Variants in TRIM67 observed in about 807,000 individuals in gnomAD.
TRIM67 encodes tripartite motif-containing protein 67.
A neutral mutation model predicts 71.0 loss-of-function variants in TRIM67; 39 were observed. That is an observed-to-expected ratio of 0.55 (90% CI 0.43 to 0.72). The LOEUF is 0.72. TRIM67 is among the 30% of genes least tolerant of loss of function. The pLI is 0.00. For missense variants in TRIM67, 973 were observed against 1,079.2 expected (o/e 0.90, Z 1.38); for synonymous variants, 481 against 473.9 (o/e 1.01, Z -0.19).
chr1:231,220,061 T>TACATCAGAG lies in TRIM67; in HGVS notation c.*4621_*4622insACATCAGAG. ...ACTAGTCATACTAACCTACCTCCTC[T>TACATCAGAG]GATGTATTGTGAGGATTATACAATA... is the stretch of plus-strand genomic sequence containing the variant. On this transcript the variant is annotated 3_prime_UTR_variant, in exon 10 of 10. Transcript: ENST00000366653. 3 of 795,824 alleles carry TACATCAGAG rather than the reference T, an allele frequency of 3.8e-6. No individual in the cohort carries two copies. Among genetic ancestry groups the TACATCAGAG allele is most frequent in the Non-Finnish European group, 5.5e-6 (3 of 540,640 alleles). 49.3% of individuals were successfully genotyped at this position (795,824 alleles called of 1,614,324 possible).
At chr1:231,193,491 ACT>A (rs374837538) in intron 1 of TRIM67, among the ~76,000 whole-genome samples, 36 of 30,816 alleles carry the variant, frequency 1.2e-3, no homozygotes, top group African/African-American at 3.5e-3. Context: ...AGACACCTGA[ACT>A]CTCTCTCAAG....
At chr1:231,204,318 A>G (rs886126127) in intron 6 of TRIM67, among the ~76,000 whole-genome samples, 1 of 152,036 alleles carries the variant, frequency 6.6e-6, no homozygotes, top group East Asian at 1.9e-4. Flanking sequence ...GGGTTTTGTC[A>G]CACCTTGTCT....
chr1:231,208,010 T>C (rs1215583233), intron 7 of TRIM67, among the ~76,000 whole-genome samples: 4 of 107,026 alleles, frequency 3.7e-5, no homozygotes, highest in East Asian at 2.5e-4. Flanking sequence ...CCTCCTGTAC[T>C]TTTTTTTTTT....
At position 231,216,293 on chromosome 1, in the gene TRIM67, C is replaced by G. The variant is rs1295679536; in HGVS notation, c.*853C>G. On this transcript the variant is annotated 3_prime_UTR_variant, in exon 10 of 10. Coordinates refer to ENST00000366653, the MANE Select transcript of TRIM67 (RefSeq NM_001004342.5). The stretch of plus-strand genomic sequence containing the variant: ...TTTCCCTCCCTCCTTCTCTCTCTCT[C>G]TCACACACACACAGGCATGACAGTC... 6 of 985,104 alleles carry G rather than the reference C, an allele frequency of 6.1e-6. No homozygotes were observed. In the East Asian group the frequency reaches 5.7e-4, roughly 93 times the overall value. The allele number at this position is 985,104 out of a possible 1,614,324, so 61.0% of individuals were successfully genotyped here.
chr1:231,215,260 C>T (rs1041603204), intron 9 of TRIM67, 115 bp from the exon 10 acceptor site: 10 of 1,433,282 alleles, frequency 7.0e-6, no homozygotes, highest in South Asian at 1.5e-5. Flanking sequence ...TGAGCTATTG[C>T]ATGGATGGCC....
At chr1:231,171,216 A>T (rs2102715651) in intron 1 of TRIM67, among the ~76,000 whole-genome samples, 1 of 152,194 alleles carries the variant, frequency 6.6e-6, no homozygotes. Flanking sequence ...TAGGTTACAC[A>T]AACTCTGGGT....
chr1:231,203,370 T>G (rs537088271), intron 5 of TRIM67, among the ~76,000 whole-genome samples: 1 of 152,288 alleles, frequency 6.6e-6, no homozygotes, highest in East Asian at 1.9e-4. Flanking sequence ...CAGCCAAAGG[T>G]TTAAAGGCAT....
chr1:231,182,849 C>T (rs114794916), intron 1 of TRIM67, among the ~76,000 whole-genome samples: 2,633 of 152,306 alleles, frequency 0.017, 81 homozygotes, highest in African/African-American at 0.06. Flanking sequence ...GGAAGAAGCC[C>T]CCGTGTGCCT....
chr1:231,166,358 G>C (rs1682463981), intron 1 of TRIM67, among the ~76,000 whole-genome samples: 1 of 152,206 alleles, frequency 6.6e-6, no homozygotes, highest in Non-Finnish European at 1.5e-5. Context: ...CTGGGGGCTG[G>C]CAATCAAAAG....
At chr1:231,184,948 C>T (rs1683020502) in intron 1 of TRIM67, 4 of 1,412,014 alleles carry the variant, frequency 2.8e-6, no homozygotes, top group Non-Finnish European at 2.9e-6. Context: ...TGAAGCCCAG[C>T]TCTAAGGGTT....
intron 1 of TRIM67, among the ~76,000 whole-genome samples, chr1:231,178,734 A>G (rs1172148361): frequency 1.3e-5 from 2 of 152,238 alleles, no homozygotes; most frequent in Non-Finnish European, 2.9e-5. Context: ...TTGGAATTTA[A>G]ATAAAAAGAT....
At chr1:231,166,443 T>A (rs1456183033) in intron 1 of TRIM67, among the ~76,000 whole-genome samples, 1 of 152,250 alleles carries the variant, frequency 6.6e-6, no homozygotes. Context: ...CCAGTATGTA[T>A]GCTGTGAGGG....
chr1:231,204,855 T>C (rs1683653533), intron 6 of TRIM67, among the ~76,000 whole-genome samples: 1 of 152,200 alleles, frequency 6.6e-6, no homozygotes, highest in Non-Finnish European at 1.5e-5. Context: ...GATGTACATA[T>C]GTGTCGTTTT....
chr1:231,208,350 A>T (rs1683771140), intron 7 of TRIM67, among the ~76,000 whole-genome samples: 1 of 151,560 alleles, frequency 6.6e-6, no homozygotes, highest in Admixed American at 6.6e-5. Flanking sequence ...ATTTTTTTGT[A>T]TTTTTAGTAG....
At chr1:231,190,590 C>T (rs951995894) in intron 1 of TRIM67, among the ~76,000 whole-genome samples, 2 of 152,180 alleles carry the variant, frequency 1.3e-5, no homozygotes, top group Non-Finnish European at 2.9e-5. Context: ...CCCAGCATTG[C>T]TCCCTTCGTA....
Position 231,206,765 on chromosome 1 carries a change from A to T in TRIM67, c.1794A>T (p.Lys598Asn). 1.9e-6 allele frequency: 3 copies of T among 1,608,694 alleles called. No homozygotes were observed. The highest frequency in any genetic ancestry group is 2.5e-6 in the Non-Finnish European group (3 of 1,177,648). ...FNSSGVGPYS[K>N]TVVLQTSDVA... Reference sequence around the variant, plus strand: ...CTTCTGGTGTCGGGCCTTACAGTAAAACTGTCGTCCTGCAGACATCCGATG... The same window carrying T: ...CTTCTGGTGTCGGGCCTTACAGTAATACTGTCGTCCTGCAGACATCCGATG... The change falls in exon 7 of 10, where the codon AAA becomes AAT. Residue 598 changes from lysine (K) to asparagine (N), a missense_variant. Physicochemically the swap from Lys to Asn is moderately conservative, Grantham distance 94 (BLOSUM62 0). Coordinates refer to ENST00000366653, the MANE Select transcript of TRIM67 (RefSeq NM_001004342.5).
chr1:231,183,663 C>T (rs533556827), intron 1 of TRIM67, among the ~76,000 whole-genome samples: 1 of 152,230 alleles, frequency 6.6e-6, no homozygotes, highest in South Asian at 2.1e-4. Context: ...TGAGCACTCA[C>T]AGAATCAATA....
Position 231,162,701 on chromosome 1 carries a change from C to T in TRIM67, c.-269C>T. 2 of 481,180 alleles carry T rather than the reference C, an allele frequency of 4.2e-6. No individual in the cohort carries two copies. Among genetic ancestry groups the T allele is most frequent in the East Asian group, 3.9e-5 (1 of 25,670 alleles). The allele number at this position is 481,180 out of a possible 1,614,324, so 29.8% of individuals were successfully genotyped here. ...CACCGCGAGGGCAGCCGACCGGCTC[C>T]GGAATCTGGCCGCAGGTTGAAGCCG... On this transcript the variant is annotated 5_prime_UTR_variant, in exon 1 of 10. Transcript: ENST00000366653.
chr1:231,162,602 G>T lies in TRIM67; in HGVS notation c.-368G>T. 4.0e-6 allele frequency: 1 copy of T among 249,360 alleles called. No individual in the cohort carries two copies. Among genetic ancestry groups the T allele is most frequent in the Non-Finnish European group, 7.7e-6 (1 of 130,334 alleles). The allele number at this position is 249,360 out of a possible 1,614,324, so 15.4% of individuals were successfully genotyped here. A position where few individuals can be genotyped will look rare whatever the true frequency, so the allele number is the denominator to read the frequency against. On this transcript the variant is annotated 5_prime_UTR_variant, in exon 1 of 10. Transcript: ENST00000366653. ...CACAGCAGCCCGGCCGCTGGTCCTG[G>T]GGTGGAGAGGAGGCGCGCGCTGCAG...
Sources: gnomAD v4.1 joint callset for allele counts (sites outside exome capture counted in the v4.1 genomes callset) on GRCh38, gnomAD v4.1.1 for gene constraint, MANE v1.5 for transcripts, NCBI Gene and HGNC (gene_info 2026-07-23, HGNC 2026-07-21) for gene names.